Variants in SORCS3 observed in about 807,000 individuals in gnomAD.
SORCS3 encodes sortilin related VPS10 domain containing receptor 3.
In SORCS3, 57 loss-of-function variants were observed where a neutral mutation model predicts 146.3. The ratio of observed to expected loss-of-function variants is 0.39; its 90% confidence interval spans 0.31 to 0.49. The LOEUF is 0.49. Ranked by LOEUF, SORCS3 falls within the 20% of genes least tolerant of loss-of-function variation. The pLI, the probability that SORCS3 is intolerant of heterozygous loss-of-function variation, is 0.92. For synonymous variants in SORCS3, 653 were observed against 618.5 expected (o/e 1.06, Z -0.83); for missense variants, 1,341 against 1,575.5 (o/e 0.85, Z 2.52).
intron 7 of SORCS3, among the ~76,000 whole-genome samples, chr10:105,138,949 A>G (rs887216445): frequency 6.6e-6 from 1 of 152,266 alleles, no homozygotes; most frequent in African/African-American, 2.4e-5. Flanking sequence ...TTTCAAAATA[A>G]TGAGAGCTTT....
rs529345999 is a variant in SORCS3 at position 105,086,179 on chromosome 10, C to T, written c.1029-3596C>T. On this transcript the variant is annotated intron_variant, in intron 5 of 26. Transcript: ENST00000369701. The stretch of plus-strand genomic sequence containing the variant: ...TCACCATAGCCAAGATGTCTCATGA[C>T]CCTACTGGATCACGTGACATTCCAG... Among the ~76,000 whole-genome samples, 7 of 152,242 alleles carry T rather than the reference C, an allele frequency of 4.6e-5. No homozygotes were observed. In the South Asian group the frequency reaches 1.2e-3, roughly 27 times the overall value.
intron 20 of SORCS3, among the ~76,000 whole-genome samples, chr10:105,242,340 ATATATT>A (rs2056829547): frequency 7.8e-6 from 1 of 128,634 alleles, no homozygotes; most frequent in Non-Finnish European, 1.6e-5. Flanking sequence ...ATATTTATAT[ATATATT>A]TATACATATA....
At chr10:104,937,541 C>G (rs1181711859) in intron 3 of SORCS3, among the ~76,000 whole-genome samples, 1 of 152,148 alleles carries the variant, frequency 6.6e-6, no homozygotes, top group Non-Finnish European at 1.5e-5. Context: ...TGGCCGAAAG[C>G]TCACATTACT....
chr10:105,208,186 C>A (rs1332137510), intron 16 of SORCS3, among the ~76,000 whole-genome samples: 1 of 152,004 alleles, frequency 6.6e-6, no homozygotes, highest in Non-Finnish European at 1.5e-5. Flanking sequence ...ACTAAAAATA[C>A]AAAAATTAAC....
intron 1 of SORCS3, among the ~76,000 whole-genome samples, chr10:104,819,085 G>C (rs2017842425): frequency 6.6e-6 from 1 of 152,108 alleles, no homozygotes; most frequent in Non-Finnish European, 1.5e-5. Context: ...AAAAGGCCAG[G>C]GGGGTGACAT....
intron 1 of SORCS3, among the ~76,000 whole-genome samples, chr10:104,769,457 C>T (rs1405094139): frequency 1.3e-5 from 2 of 152,182 alleles, no homozygotes; most frequent in African/African-American, 4.8e-5. Flanking sequence ...TGGAGGCTGG[C>T]CATGGTCCTT....
intron 5 of SORCS3, among the ~76,000 whole-genome samples, chr10:105,083,538 G>A (rs2055639260): frequency 2.0e-5 from 3 of 151,974 alleles, no homozygotes; most frequent in Non-Finnish European, 4.4e-5. Context: ...GCAATGTCAC[G>A]GACCCTCTTA....
chr10:105,105,848 G>A (rs888451446), intron 7 of SORCS3, among the ~76,000 whole-genome samples: 10 of 152,140 alleles, frequency 6.6e-5, no homozygotes, highest in Admixed American at 5.9e-4. Context: ...TACCCAAAGT[G>A]ACTTGTATAA....
chr10:104,673,622 ATT>A (rs751783344), intron 1 of SORCS3, among the ~76,000 whole-genome samples: 4 of 150,692 alleles, frequency 2.7e-5, no homozygotes, highest in African/African-American at 4.9e-5. Context: ...TAATTTTTAA[ATT>A]TTTTTTTGGT....
At chr10:105,036,893 T>C (rs1217516124) in intron 4 of SORCS3, among the ~76,000 whole-genome samples, 1 of 152,208 alleles carries the variant, frequency 6.6e-6, no homozygotes, top group East Asian at 1.9e-4. Flanking sequence ...GAATGCTACC[T>C]AAACTCCACA....
chr10:104,978,926 A>G (rs1237872476), intron 4 of SORCS3, among the ~76,000 whole-genome samples: 5 of 152,062 alleles, frequency 3.3e-5, no homozygotes, highest in African/African-American at 4.8e-5. Context: ...GTTCACTGTT[A>G]TCACTTCCCC....
At chr10:104,823,958 A>T (rs2017905063) in intron 1 of SORCS3, among the ~76,000 whole-genome samples, 1 of 152,176 alleles carries the variant, frequency 6.6e-6, no homozygotes, top group Non-Finnish European at 1.5e-5. Context: ...AGACCTGACC[A>T]GCCATTGTTG....
chr10:105,167,420 A>T, intron 13 of SORCS3, 71 bp downstream of exon 13: 8 of 1,120,602 alleles, frequency 7.1e-6, no homozygotes, highest in Non-Finnish European at 9.4e-6. Flanking sequence ...GTGATGAGTT[A>T]TTCTGCATGG....
intron 1 of SORCS3, among the ~76,000 whole-genome samples, chr10:104,642,569 G>A (rs1014117269): frequency 1.2e-4 from 18 of 152,102 alleles, no homozygotes; most frequent in Admixed American, 1.0e-3. Flanking sequence ...CTCCTTCAAA[G>A]TCCAGGGAGC....
rs1403696979 is a variant in SORCS3 at position 105,263,473 on chromosome 10, T to C, written c.*99T>C. On this transcript the variant is annotated 3_prime_UTR_variant, in exon 27 of 27. Transcript: ENST00000369701. The stretch of plus-strand genomic sequence containing the variant: ...AAAATTAAAATGTCTTTTTTACCTT[T>C]TGTTTACCAAGGGCCCCTTCATAAA... 2 of 1,241,918 alleles carry C rather than the reference T, an allele frequency of 1.6e-6. No homozygotes were observed. The highest frequency in any genetic ancestry group is 2.3e-6 in the Non-Finnish European group (2 of 875,202). 76.9% of individuals were successfully genotyped at this position (1,241,918 alleles called of 1,614,324 possible).
chr10:105,141,740 C>G (rs1212340083), intron 8 of SORCS3, among the ~76,000 whole-genome samples: 1 of 152,136 alleles, frequency 6.6e-6, no homozygotes, highest in East Asian at 1.9e-4. Flanking sequence ...CTTAGTCCAA[C>G]AGGCATGAAA....
At chr10:105,000,055 C>CTGAATGAATGAA (rs10558991) in intron 4 of SORCS3, among the ~76,000 whole-genome samples, 25 of 150,730 alleles carry the variant, frequency 1.7e-4, no homozygotes, top group South Asian at 8.4e-4. Context: ...CATTCACCTG[C>CTGAATGAATGAA]TGAATGAATG....
At chr10:104,876,816 CTTCT>C (rs753363133) in intron 2 of SORCS3, among the ~76,000 whole-genome samples, 9 of 139,736 alleles carry the variant, frequency 6.4e-5, no homozygotes, top group East Asian at 2.2e-4. Context: ...TCTTTCTCTC[CTTCT>C]TTCTTTCTTT....
intron 4 of SORCS3, among the ~76,000 whole-genome samples, chr10:104,979,577 G>A (rs554176122): frequency 6.6e-6 from 1 of 152,166 alleles, no homozygotes; most frequent in East Asian, 1.9e-4. Context: ...GTGTGTGTGT[G>A]TGTGTGCATG....
Sources: allele counts gnomAD v4.1 joint callset (sites outside exome capture counted in the v4.1 genomes callset), GRCh38; gene constraint gnomAD v4.1.1; transcripts MANE v1.5; gene names NCBI Gene and HGNC (gene_info 2026-07-23, HGNC 2026-07-21).